MCPH1: variants seen among roughly 807,000 people sequenced by gnomAD.
MCPH1 encodes microcephalin.
MCPH1 carries 104 observed loss-of-function variants against 84.5 expected under a neutral mutation model. The ratio of observed to expected loss-of-function variants is 1.23; its 90% confidence interval spans 1.05 to 1.45. MCPH1 has a LOEUF of 1.45. Ranked by LOEUF, MCPH1 falls within the 40% of genes most tolerant of loss-of-function variation. MCPH1 has a pLI of 0.00. For synonymous variants in MCPH1, 514 were observed against 366.8 expected, an observed-to-expected ratio of 1.40 and a Z score of -4.58; for missense variants, 1,498 against 1,005.7, an observed-to-expected ratio of 1.49 and a Z score of -6.62.
intron 5 of MCPH1, among the ~76,000 whole-genome samples, chr8:6,437,968 C>T (rs922073671): frequency 1.3e-5 from 2 of 152,120 alleles, no homozygotes; most frequent in African/African-American, 4.8e-5. Context: ...GAAGGACATC[C>T]CCTCCCTGGT....
intron 11 of MCPH1, among the ~76,000 whole-genome samples, chr8:6,485,326 A>G (rs999545519): frequency 3.4e-5 from 5 of 149,244 alleles, no homozygotes; most frequent in Non-Finnish European, 7.5e-5. Flanking sequence ...CTCTGTCTCA[A>G]AAAAAAAAAA....
chr8:6,576,996 T>C (rs964942758), intron 12 of MCPH1, among the ~76,000 whole-genome samples: 1 of 152,204 alleles, frequency 6.6e-6, no homozygotes, highest in African/African-American at 2.4e-5. Context: ...TTCTCCCTGC[T>C]GCCTGCTGTG....
At chr8:6,417,119 G>C (rs1354986943) in intron 3 of MCPH1, among the ~76,000 whole-genome samples, 1 of 152,138 alleles carries the variant, frequency 6.6e-6, no homozygotes, top group Admixed American at 6.5e-5. Context: ...AGAACTTGTT[G>C]AATGTGTAGT....
intron 12 of MCPH1, chr8:6,501,830 A>G (rs575992774): frequency 2.0e-5 from 3 of 152,086 alleles, no homozygotes; most frequent in East Asian, 1.9e-4. Context: ...TACTGGGATT[A>G]TAGGTGTGAG....
chr8:6,630,271 G>C (rs1217755070), intron 13 of MCPH1, among the ~76,000 whole-genome samples: 1 of 152,198 alleles, frequency 6.6e-6, no homozygotes. Context: ...GAAAGGCAGA[G>C]ATAGGGTTCC....
intron 12 of MCPH1, among the ~76,000 whole-genome samples, chr8:6,610,945 G>T (rs1281861511): frequency 6.6e-6 from 1 of 152,058 alleles, no homozygotes; most frequent in African/African-American, 2.4e-5. Flanking sequence ...AGCAGAAAAT[G>T]AATCCATGCG....
At chr8:6,574,344 C>G (rs1470303176) in intron 12 of MCPH1, among the ~76,000 whole-genome samples, 5 of 152,030 alleles carry the variant, frequency 3.3e-5, no homozygotes, top group African/African-American at 1.2e-4. Context: ...TGGTATTCTC[C>G]CTGTCTACAC....
At chr8:6,515,766 T>TC (rs1392207490) in intron 12 of MCPH1, among the ~76,000 whole-genome samples, 4 of 152,188 alleles carry the variant, frequency 2.6e-5, no homozygotes, top group African/African-American at 9.7e-5. Flanking sequence ...TAAATATTCT[T>TC]CTTGTGTTGT....
chr8:6,528,323 T>G (rs1818770550), intron 12 of MCPH1, among the ~76,000 whole-genome samples: 2 of 152,212 alleles, frequency 1.3e-5, no homozygotes, highest in South Asian at 2.1e-4. Context: ...GAGTATAAAA[T>G]GGTCATATTT....
chr8:6,602,321 C>A (rs781654797), intron 12 of MCPH1, among the ~76,000 whole-genome samples: 1 of 152,130 alleles, frequency 6.6e-6, no homozygotes, highest in Admixed American at 6.5e-5. Flanking sequence ...GCATTCTGTG[C>A]GGATTTCTAT....
At chr8:6,478,197 A>T (rs1202805353) in intron 10 of MCPH1, among the ~76,000 whole-genome samples, 1 of 152,244 alleles carries the variant, frequency 6.6e-6, no homozygotes, top group South Asian at 2.1e-4. Context: ...TAAGACATCC[A>T]TCAAAACATT....
chr8:6,531,543 CG>C (rs1266922984), intron 12 of MCPH1, among the ~76,000 whole-genome samples: 1 of 152,084 alleles, frequency 6.6e-6, no homozygotes, highest in Non-Finnish European at 1.5e-5. Context: ...CCACCCATCT[CG>C]GCCTCCCAAA....
intron 9 of MCPH1, among the ~76,000 whole-genome samples, chr8:6,458,174 T>C (rs1247563763): frequency 6.6e-6 from 1 of 152,160 alleles, no homozygotes; most frequent in Non-Finnish European, 1.5e-5. Context: ...GACCAAGGCT[T>C]AAAGTCCTGA....
intron 12 of MCPH1, among the ~76,000 whole-genome samples, chr8:6,576,746 C>T (rs556700210): frequency 1.2e-4 from 12 of 103,172 alleles, no homozygotes; most frequent in Admixed American, 3.1e-4. Context: ...TGGGTTTTCA[C>T]CATATTGGTC....
At chr8:6,465,122 C>T (rs1408086696) in intron 9 of MCPH1, among the ~76,000 whole-genome samples, 1 of 152,168 alleles carries the variant, frequency 6.6e-6, no homozygotes, top group African/African-American at 2.4e-5. Context: ...CTATCTGCAC[C>T]GTTTGCGGGG....
chr8:6,591,083 A>T (rs1267834210), intron 12 of MCPH1, among the ~76,000 whole-genome samples: 1 of 152,188 alleles, frequency 6.6e-6, no homozygotes, highest in Non-Finnish European at 1.5e-5. Context: ...TTTTTAGTAG[A>T]GACGGGTTTC....
At chr8:6,519,791 C>G in intron 12 of MCPH1, 1 of 1,546,166 alleles carries the variant, frequency 6.5e-7, no homozygotes, top group South Asian at 1.2e-5. Flanking sequence ...GAGACTTCTG[C>G]TCTCTGGTTC....
At chr8:6,581,160 G>A (rs1827537044) in intron 12 of MCPH1, among the ~76,000 whole-genome samples, 1 of 152,178 alleles carries the variant, frequency 6.6e-6, no homozygotes, top group Non-Finnish European at 1.5e-5. Context: ...CAAGGTGGGG[G>A]TCTTGGAACC....
At chr8:6,575,358 G>A (rs1826985304) in intron 12 of MCPH1, among the ~76,000 whole-genome samples, 2 of 152,126 alleles carry the variant, frequency 1.3e-5, no homozygotes, top group African/African-American at 4.8e-5. Context: ...CCATTATGAG[G>A]GACCCTTGGC....
Sources: allele counts gnomAD v4.1 joint callset (sites outside exome capture counted in the v4.1 genomes callset), GRCh38; gene constraint gnomAD v4.1.1; transcripts MANE v1.5; gene names NCBI Gene and HGNC (gene_info 2026-07-23, HGNC 2026-07-21).